Variants in FMO2 observed in about 807,000 individuals in gnomAD.
The protein encoded by FMO2 is flavin-containing monooxygenase 2.
In FMO2, 33 loss-of-function variants were observed where a neutral mutation model predicts 41.6. The ratio of observed to expected loss-of-function variants is 0.79; its 90% CI spans 0.60 to 1.06. FMO2 has a LOEUF of 1.06. Among genes scored for constraint, FMO2 ranks in the 50% least tolerant of loss-of-function variants. The pLI is 0.00. For missense variants in FMO2, 619 were observed against 632.9 expected (o/e 0.98, Z 0.23); for synonymous variants, 214 against 219.6 (o/e 0.97, Z 0.23).
At chr1:171,187,310 T>C (rs1657891412) in intron 2 of FMO2, among the ~76,000 whole-genome samples, 1 of 152,178 alleles carries the variant, frequency 6.6e-6, no homozygotes, top group Non-Finnish European at 1.5e-5. Flanking sequence ...TTTGAATACA[T>C]GAAAATCAAA....
At chr1:171,208,506 G>A (rs1013153435) in intron 8 of FMO2, among the ~76,000 whole-genome samples, 3 of 152,178 alleles carry the variant, frequency 2.0e-5, no homozygotes, top group South Asian at 2.1e-4. Context: ...TGGCTAGCAT[G>A]TACTTGCCTG....
intron 5 of FMO2, among the ~76,000 whole-genome samples, chr1:171,202,473 C>T (rs1658574993): frequency 1.3e-5 from 2 of 152,156 alleles, no homozygotes; most frequent in South Asian, 4.1e-4. Flanking sequence ...TTACTCCAGA[C>T]ATAAGGCACT....
Position 171,193,468 on chromosome 1 carries a change from A to T in FMO2, c.266A>T (p.Glu89Val). 1 of 1,612,238 alleles carries T rather than the reference A, an allele frequency of 6.2e-7. No homozygotes were observed. ...TTCCTGCATAATTCTAAACTTCTGG[A>T]ATATTTCAGGATTTTTGCTAAAAAA... is the stretch of plus-strand genomic sequence containing the variant. ...PNFLHNSKLL[E>V]YFRIFAKKFD... Residue 89 changes from glutamate to valine, a missense_variant, in exon 3 of 9, where the codon GAA (glutamate) becomes GTA (valine). Coordinates refer to ENST00000209929, the MANE Select transcript of FMO2 (RefSeq NM_001460.5).
At chr1:171,187,114 C>A (rs1329073799) in intron 2 of FMO2, among the ~76,000 whole-genome samples, 1 of 152,196 alleles carries the variant, frequency 6.6e-6, no homozygotes, top group Non-Finnish European at 1.5e-5. Context: ...GCCTTCAAAC[C>A]ACGGCCTACG....
At chr1:171,190,871 C>T (rs988511954) in intron 2 of FMO2, among the ~76,000 whole-genome samples, 17 of 152,150 alleles carry the variant, frequency 1.1e-4, no homozygotes, top group African/African-American at 9.7e-5. Flanking sequence ...CTTGGCTGGG[C>T]GCGGTGGCTC....
At position 171,205,267 on chromosome 1, in the gene FMO2, T is replaced by C; in HGVS notation, c.828-12T>C. 6.6e-7 allele frequency: 1 copy of C among 1,504,654 alleles called. No homozygotes were observed. The highest frequency in any genetic ancestry group is 9.2e-7 in the Non-Finnish European group (1 of 1,092,790). The allele number at this position is 1,504,654 out of a possible 1,614,324, so 93.2% of individuals were successfully genotyped here. A position where few individuals can be genotyped will look rare whatever the true frequency, so the allele number is the denominator to read the frequency against. The stretch of plus-strand genomic sequence containing the variant: ...ATGATCCTTCAGAATGTTTTTCTTC[T>C]GTATGTCTCAGATACATTATGAAGG... On this transcript the variant is annotated splice_polypyrimidine_tract_variant and intron_variant, in intron 6 of 8. Transcript: ENST00000209929.
At chr1:171,206,525 G>A (rs1658764217) in intron 7 of FMO2, among the ~76,000 whole-genome samples, 1 of 152,152 alleles carries the variant, frequency 6.6e-6, no homozygotes, top group Non-Finnish European at 1.5e-5. Context: ...GACATGCTAT[G>A]GAGCTTAGAT....
chr1:171,196,732 G>A lies in FMO2; in HGVS notation c.405G>A (p.Glu135=), dbSNP rs1658324941. The change falls in exon 4 of 9, where the codon GAG becomes GAA. Residue 135 remains glutamate, a synonymous_variant. Transcript: ENST00000209929. The stretch of plus-strand genomic sequence containing the variant: ...TTGTCACTCAGAGCAACGGCAAGGA[G>A]CAGAGTGCTGTCTTTGACGCAGTTA... ...WKVVTQSNGK[E]QSAVFDAVMV... is the part of the protein sequence containing the mutation. The A allele has an allele frequency of 6.2e-7, 1 of 1,613,636 alleles. No homozygotes were observed. The highest frequency in any genetic ancestry group is 8.5e-7 in the Non-Finnish European group (1 of 1,179,840).
In FMO2 at chr1:171,185,767, G is replaced by A. The variant is rs1657817305; in HGVS notation, c.54G>A (p.Leu18=). Residue 18 remains leucine (L), a synonymous_variant, in exon 2 of 9, where the codon CTG becomes CTA. Transcript: ENST00000209929. ...CTGGGGTCAGTGGCCTAATTTCTCT[G>A]AAGTGCTGTGTGGATGAGGGACTTG... ...IGAGVSGLIS[L]KCCVDEGLEP... is the part of the protein sequence containing the mutation. 2 of 1,613,906 alleles carry A rather than the reference G, an allele frequency of 1.2e-6. No individual in the cohort carries two copies. Among genetic ancestry groups the A allele is most frequent in the Non-Finnish European group, 1.7e-6 (2 of 1,179,818 alleles).
At chr1:171,205,208 A>C in intron 6 of FMO2, 71 bp from the exon 7 acceptor site, 1 of 967,974 alleles carries the variant, frequency 1.0e-6, no homozygotes, top group Non-Finnish European at 1.5e-6. Flanking sequence ...GCCGTACCCC[A>C]AAAATATCAA....
At chr1:171,190,645 G>T (rs545405985) in intron 2 of FMO2, among the ~76,000 whole-genome samples, 4 of 152,160 alleles carry the variant, frequency 2.6e-5, no homozygotes, top group African/African-American at 7.2e-5. Flanking sequence ...CCAAGCTCAG[G>T]CCCTGGTCAG....
chr1:171,189,941 C>T (rs976149885), intron 2 of FMO2, among the ~76,000 whole-genome samples: 5 of 151,878 alleles, frequency 3.3e-5, no homozygotes, highest in Non-Finnish European at 5.9e-5. Context: ...AAGGTCCATC[C>T]GAAAGAGTGA....
At chr1:171,200,858 G>T (rs12730113) in intron 5 of FMO2, among the ~76,000 whole-genome samples, 1 of 152,086 alleles carries the variant, frequency 6.6e-6, no homozygotes, top group Admixed American at 6.6e-5. Flanking sequence ...TTTCATGCTA[G>T]GAATACCCGC....
Position 171,209,107 on chromosome 1 carries a change from G to A in FMO2, c.1570G>A (p.Val524Ile). 1.3e-6 allele frequency: 1 copy of A among 798,422 alleles called. No individual in the cohort carries two copies. Among genetic ancestry groups the A allele is most frequent in the Non-Finnish European group, 2.0e-6 (1 of 512,580 alleles). The allele number at this position is 798,422 out of a possible 1,614,324, so 49.5% of individuals were successfully genotyped here. ...FLLKILGLLA[V>I]VVAFFCQLQW... ...GTTGAAAATCCTGGGCCTTCTTGCT[G>A]TTGTTGTGGCCTTTTTTTGCCAACT... Residue 524 changes from valine (V) to isoleucine (I), a missense_variant, in exon 9 of 9, where the codon GTT becomes ATT. Physicochemically the swap from Val to Ile is conservative, Grantham distance 29. Transcript: ENST00000209929.
At chr1:171,196,533 A>T in intron 3 of FMO2, 116 bp from the exon 4 acceptor site, 1 of 830,808 alleles carries the variant, frequency 1.2e-6, no homozygotes, top group South Asian at 1.7e-5. Context: ...CACCCTTAAC[A>T]GATTAGTCCC....
chr1:171,205,360 G>A lies in FMO2; in HGVS notation c.909G>A (p.Val303=). 1 of 1,613,830 alleles carries A rather than the reference G, an allele frequency of 6.2e-7. No individual in the cohort carries two copies. Among genetic ancestry groups the A allele is most frequent in the Non-Finnish European group, 8.5e-7 (1 of 1,179,822 alleles). The part of the protein sequence containing the change: ...LCGAIKVKST[V]KELTETSAIF... ...GAGCCATCAAGGTGAAATCTACAGT[G>A]AAAGAGCTCACAGAAACTTCTGCCA... The change falls in exon 7 of 9, where the codon GTG becomes GTA. Residue 303 remains valine, a synonymous_variant. Coordinates refer to ENST00000209929, the MANE Select transcript of FMO2 (RefSeq NM_001460.5).
At chr1:171,205,991 A>G (rs1658744596) in intron 7 of FMO2, among the ~76,000 whole-genome samples, 1 of 152,188 alleles carries the variant, frequency 6.6e-6, no homozygotes, top group Non-Finnish European at 1.5e-5. Context: ...TCCTCAGCAT[A>G]TCTGCAAATC....
chr1:171,201,069 G>C (rs1658515581), intron 5 of FMO2, among the ~76,000 whole-genome samples: 1 of 152,132 alleles, frequency 6.6e-6, no homozygotes, highest in Admixed American at 6.5e-5. Context: ...GACTTATGGT[G>C]TGAGATTCAA....
chr1:171,197,882 C>A (rs1658366354), intron 4 of FMO2, among the ~76,000 whole-genome samples: 2 of 152,232 alleles, frequency 1.3e-5, no homozygotes, highest in African/African-American at 2.4e-5. Context: ...AGCAAGAAGG[C>A]TTTCAGCAGA....
Sources: allele counts gnomAD v4.1 joint callset (sites outside exome capture counted in the v4.1 genomes callset), GRCh38; gene constraint gnomAD v4.1.1; transcripts MANE v1.5; gene names NCBI Gene and HGNC (gene_info 2026-07-23, HGNC 2026-07-21).